Variants in DTWD2 observed in about 807,000 individuals in gnomAD.
DTWD2 encodes tRNA-uridine aminocarboxypropyltransferase 2.
Under a neutral mutation model 31.8 loss-of-function variants are expected in DTWD2, and 39 were observed. That is an observed-to-expected ratio of 1.22 (90% CI 0.95 to 1.60). The LOEUF is 1.60. DTWD2 is among the 40% of genes most tolerant of loss of function. The pLI, the probability that DTWD2 is intolerant of heterozygous loss-of-function variation, is 0.00. For missense variants in DTWD2, 515 were observed against 381.5 expected (o/e 1.35, Z -2.92); for synonymous variants, 180 against 142.8 (o/e 1.26, Z -1.86).
At chr5:118,897,177 A>G (rs755224053) in intron 4 of DTWD2, among the ~76,000 whole-genome samples, 35 of 152,244 alleles carry the variant, frequency 2.3e-4, no homozygotes, top group Non-Finnish European at 2.8e-4. Flanking sequence ...AAGCAAAATC[A>G]GCCAGGAGAA....
chr5:118,960,732 G>C (rs1049938111), intron 1 of DTWD2, among the ~76,000 whole-genome samples: 1 of 151,440 alleles, frequency 6.6e-6, no homozygotes, highest in African/African-American at 2.4e-5. Context: ...ATATACCATG[G>C]AATAGTATGC....
At chr5:118,967,203 T>A (rs1447523380) in intron 1 of DTWD2, among the ~76,000 whole-genome samples, 1 of 152,038 alleles carries the variant, frequency 6.6e-6, no homozygotes, top group African/African-American at 2.4e-5. Context: ...TAAACTACAA[T>A]TAGAGAAGGG....
intron 4 of DTWD2, among the ~76,000 whole-genome samples, chr5:118,859,110 T>C (rs1436110976): frequency 6.6e-6 from 1 of 152,044 alleles, no homozygotes; most frequent in Non-Finnish European, 1.5e-5. Flanking sequence ...CATCTATTGA[T>C]AATCTCTTCC....
At chr5:118,850,279 C>A (rs1371543275) in intron 4 of DTWD2, among the ~76,000 whole-genome samples, 2 of 130,472 alleles carry the variant, frequency 1.5e-5, no homozygotes, top group Non-Finnish European at 3.2e-5. Flanking sequence ...GCATGGCTCA[C>A]ATGGTGAAAC....
intron 4 of DTWD2, among the ~76,000 whole-genome samples, chr5:118,896,679 T>C (rs1186138081): frequency 6.6e-6 from 1 of 152,232 alleles, no homozygotes; most frequent in Non-Finnish European, 1.5e-5. Context: ...GGGAGTTCAT[T>C]ACATCAATTA....
chr5:118,865,527 T>C (rs1375631736), intron 4 of DTWD2, among the ~76,000 whole-genome samples: 1 of 152,160 alleles, frequency 6.6e-6, no homozygotes. Flanking sequence ...AATTTGAAAC[T>C]TTACATTTTG....
chr5:118,959,875 G>C (rs1186744668), intron 1 of DTWD2, among the ~76,000 whole-genome samples: 1 of 152,244 alleles, frequency 6.6e-6, no homozygotes, highest in Admixed American at 6.5e-5. Context: ...ATGGTGCTGG[G>C]ATAAGTAGCT....
chr5:118,946,148 A>T (rs1754334380), intron 1 of DTWD2, among the ~76,000 whole-genome samples: 1 of 152,206 alleles, frequency 6.6e-6, no homozygotes, highest in Non-Finnish European at 1.5e-5. Context: ...AAGTAAAATC[A>T]TATTATACAT....
intron 4 of DTWD2, among the ~76,000 whole-genome samples, chr5:118,860,444 C>T (rs2149544344): frequency 6.6e-6 from 1 of 151,388 alleles, no homozygotes; most frequent in Admixed American, 6.6e-5. Context: ...TCAAACAGTC[C>T]ACATTTTTGA....
rs767949863 is a variant in DTWD2 at position 118,848,201 on chromosome 5, G to C, written c.615C>G (p.Ser205Arg). The change falls in exon 5 of 6, where the codon AGC becomes AGG. Residue 205 changes from serine to arginine, a missense_variant. Transcript: ENST00000510708. ...TCCGAATTACATACTGACTAGAAATGCTAGTTTTTAATTGCACCTGAAATC... is the reference window on the plus strand; with the variant it reads ...TCCGAATTACATACTGACTAGAAATCCTAGTTTTTAATTGCACCTGAAATC... ...RHPKQVQLKT[S>R]ISSQYVIRMQ... is the part of the protein sequence containing the mutation. The C allele has an allele frequency of 1.3e-5, 21 of 1,595,558 alleles. No homozygotes were observed. Among genetic ancestry groups the C allele is most frequent in the Non-Finnish European group, 1.8e-5 (21 of 1,173,502 alleles).
intron 4 of DTWD2, among the ~76,000 whole-genome samples, chr5:118,914,697 T>G (rs937468530): frequency 2.0e-5 from 3 of 152,122 alleles, no homozygotes; most frequent in African/African-American, 7.2e-5. Flanking sequence ...ACAGCTGCAC[T>G]CCAGCTTAAG....
intron 2 of DTWD2, 63 bp downstream of exon 2, chr5:118,944,496 T>A: frequency 2.0e-6 from 3 of 1,487,848 alleles, no homozygotes; most frequent in Non-Finnish European, 2.8e-6. Flanking sequence ...AGTATGTTTA[T>A]CTTCGTGTTT....
At chr5:118,933,805 G>A (rs1021110987) in intron 3 of DTWD2, among the ~76,000 whole-genome samples, 1 of 151,480 alleles carries the variant, frequency 6.6e-6, no homozygotes, top group Non-Finnish European at 1.5e-5. Flanking sequence ...ATACAAACTA[G>A]AAAGATGAAA....
At chr5:118,978,935 G>A (rs527592359) in intron 1 of DTWD2, among the ~76,000 whole-genome samples, 85 of 152,170 alleles carry the variant, frequency 5.6e-4, no homozygotes, top group African/African-American at 1.9e-3. Flanking sequence ...GAGCCGGGAA[G>A]ATGGAGGTTG....
intron 3 of DTWD2, among the ~76,000 whole-genome samples, chr5:118,936,546 T>A (rs2149582693): frequency 6.6e-6 from 1 of 151,942 alleles, no homozygotes; most frequent in Middle Eastern, 3.4e-3. Context: ...AGCTCACATC[T>A]GTAATCCTAG....
chr5:118,843,568 C>A (rs1005916299), intron 5 of DTWD2, among the ~76,000 whole-genome samples: 1 of 152,184 alleles, frequency 6.6e-6, no homozygotes, highest in Admixed American at 6.5e-5. Flanking sequence ...TTCTGAAACA[C>A]TGAACCCAGG....
In DTWD2 at chr5:118,988,306, C is replaced by A. The variant is rs753216869; in HGVS notation, c.206G>T (p.Cys69Phe). The A allele has an allele frequency of 2.0e-6, 3 of 1,519,856 alleles. No homozygotes were observed. The highest frequency in any genetic ancestry group is 2.6e-6 in the Non-Finnish European group (3 of 1,138,922). The allele number at this position is 1,519,856 out of a possible 1,614,324, so 94.1% of individuals were successfully genotyped here. ...GCCCCGCGGTCACCTGCAGCGGGTG[C>A]ACTCAGGCCTCCGCTCGGCCGGCTC... ...PVEPAERRPE[C>F]TRCSRPQKVC... Residue 69 changes from cysteine to phenylalanine, a missense_variant, in exon 1 of 6, where the codon TGC (cysteine) becomes TTC (phenylalanine). Physicochemically the swap from Cys to Phe is radical, Grantham distance 205. Coordinates refer to ENST00000510708, the MANE Select transcript of DTWD2 (RefSeq NM_173666.4).
intron 5 of DTWD2, among the ~76,000 whole-genome samples, chr5:118,846,428 C>A (rs2112672760): frequency 6.6e-6 from 1 of 152,152 alleles, no homozygotes; most frequent in East Asian, 1.9e-4. Flanking sequence ...GATATAAGTC[C>A]ACAGAGAATT....
chr5:118,968,868 C>A (rs1232114385), intron 1 of DTWD2, among the ~76,000 whole-genome samples: 1 of 152,204 alleles, frequency 6.6e-6, no homozygotes, highest in Admixed American at 6.5e-5. Flanking sequence ...CATGTTAACA[C>A]CCACTGGCTT....
Sources: gnomAD v4.1 joint callset for allele counts (sites outside exome capture counted in the v4.1 genomes callset) on GRCh38, gnomAD v4.1.1 for gene constraint, MANE v1.5 for transcripts, NCBI Gene and HGNC (gene_info 2026-07-23, HGNC 2026-07-21) for gene names.